CACNA2D3: variants seen among roughly 807,000 people sequenced by gnomAD.
CACNA2D3 encodes voltage-dependent calcium channel subunit alpha-2/delta-3.
In CACNA2D3, 60 loss-of-function variants were observed where a neutral mutation model predicts 160.6. The observed-to-expected ratio is 0.37, with a 90% CI of 0.30 to 0.46. The LOEUF (loss-of-function observed/expected upper bound fraction) is 0.46, where lower values mean the gene tolerates loss of function less well. Among genes scored for constraint, CACNA2D3 ranks in the 20% least tolerant of loss-of-function variants. CACNA2D3 has a pLI of 1.00. For missense variants in CACNA2D3, 1,205 were observed against 1,365.0 expected, an observed-to-expected ratio of 0.88 and a Z score of 1.85; for synonymous variants, 558 against 492.9, an observed-to-expected ratio of 1.13 and a Z score of -1.75.
At chr3:54,529,907 A>G (rs1701781404) in intron 5 of CACNA2D3, among the ~76,000 whole-genome samples, 2 of 152,154 alleles carry the variant, frequency 1.3e-5, no homozygotes, top group Admixed American at 6.5e-5. Flanking sequence ...TATTTAGGGT[A>G]GAGGTGGGCA....
At chr3:54,928,927 C>T (rs902145042) in intron 27 of CACNA2D3, among the ~76,000 whole-genome samples, 8 of 152,148 alleles carry the variant, frequency 5.3e-5, no homozygotes, top group Non-Finnish European at 1.0e-4. Context: ...GGACTGGAAC[C>T]GTTTCTTTGA....
At chr3:54,758,496 GT>G (rs1702018092) in intron 12 of CACNA2D3, among the ~76,000 whole-genome samples, 2 of 152,046 alleles carry the variant, frequency 1.3e-5, no homozygotes, top group African/African-American at 4.8e-5. Context: ...CCTCTTGCTT[GT>G]TTTTTGTGAA....
chr3:54,776,104 C>G (rs1368726808), intron 13 of CACNA2D3, among the ~76,000 whole-genome samples: 2 of 152,210 alleles, frequency 1.3e-5, no homozygotes, highest in Non-Finnish European at 2.9e-5. Flanking sequence ...ATATACACAA[C>G]TCACTCTAGC....
chr3:54,514,161 T>C (rs2106969087), intron 5 of CACNA2D3, among the ~76,000 whole-genome samples: 1 of 152,206 alleles, frequency 6.6e-6, no homozygotes, highest in Admixed American at 6.5e-5. Flanking sequence ...GTTTTAAAAA[T>C]GGGAGGCAAA....
chr3:54,367,169 C>G (rs1698840601), intron 3 of CACNA2D3, among the ~76,000 whole-genome samples: 1 of 151,878 alleles, frequency 6.6e-6, no homozygotes, highest in Non-Finnish European at 1.5e-5. Flanking sequence ...CTCCCAACAG[C>G]TGTCCAATCA....
chr3:55,074,313 TC>T lies in CACNA2D3; in HGVS notation c.*109del, dbSNP rs1704899404. 5 of 856,106 alleles carry T rather than the reference TC, an allele frequency of 5.8e-6. No homozygotes were observed. Among genetic ancestry groups the T allele is most frequent in the Middle Eastern group, 4.5e-4 (2 of 4,490 alleles). The allele number at this position is 856,106 out of a possible 1,614,324, so 53.0% of individuals were successfully genotyped here. ...TGCAACATACGAGACATGAATATAGTCCAACCATCAGCATCTCATCATGATT... is the reference window on the plus strand; with the variant it reads ...TGCAACATACGAGACATGAATATAGTCAACCATCAGCATCTCATCATGATT... On this transcript the variant is annotated 3_prime_UTR_variant, in exon 38 of 38. Transcript: ENST00000474759.
At chr3:54,966,120 A>G (rs1254641820) in intron 27 of CACNA2D3, among the ~76,000 whole-genome samples, 1 of 152,104 alleles carries the variant, frequency 6.6e-6, no homozygotes, top group Non-Finnish European at 1.5e-5. Context: ...TGAGGGCTCC[A>G]TCAGAGAACG....
At chr3:54,379,327 A>C (rs1281086374) in intron 3 of CACNA2D3, among the ~76,000 whole-genome samples, 1 of 152,260 alleles carries the variant, frequency 6.6e-6, no homozygotes, top group Non-Finnish European at 1.5e-5. Context: ...CAAAGAAATA[A>C]TGAAGGCTCC....
At chr3:54,558,628 A>T (rs1003873330) in intron 5 of CACNA2D3, among the ~76,000 whole-genome samples, 1 of 151,940 alleles carries the variant, frequency 6.6e-6, no homozygotes, top group East Asian at 1.9e-4. Flanking sequence ...GTCCGTGTGT[A>T]CTCAGTGTTT....
At chr3:54,464,799 C>G (rs1046968181) in intron 4 of CACNA2D3, among the ~76,000 whole-genome samples, 2 of 152,250 alleles carry the variant, frequency 1.3e-5, no homozygotes, top group Non-Finnish European at 2.9e-5. Context: ...CGCCCACTGT[C>G]TGGCACTCCC....
chr3:54,342,840 A>G (rs969300345), intron 3 of CACNA2D3, among the ~76,000 whole-genome samples: 1 of 152,214 alleles, frequency 6.6e-6, no homozygotes, highest in African/African-American at 2.4e-5. Flanking sequence ...GGCTGTAGCC[A>G]CCCAGCCATA....
At chr3:54,851,295 A>G (rs1255349858) in intron 17 of CACNA2D3, among the ~76,000 whole-genome samples, 1 of 152,216 alleles carries the variant, frequency 6.6e-6, no homozygotes, top group Non-Finnish European at 1.5e-5. Flanking sequence ...TCCAGGTGGA[A>G]GATACATCTA....
Position 54,123,498 on chromosome 3 carries a change from C to T in CACNA2D3, c.123-15C>T. The T allele has an allele frequency of 6.2e-7, 1 of 1,604,186 alleles. No homozygotes were observed. The highest frequency in any genetic ancestry group is 8.5e-7 in the Non-Finnish European group (1 of 1,170,972). On this transcript the variant is annotated splice_polypyrimidine_tract_variant and intron_variant, in intron 1 of 37. Coordinates refer to ENST00000474759, the MANE Select transcript of CACNA2D3 (RefSeq NM_018398.3). The stretch of plus-strand genomic sequence containing the variant: ...ACGGGTGTTACATATCTTCCTGTGC[C>T]CCTTCTCCCTGTAGGGTGAAGCTCT...
At chr3:54,435,110 C>T (rs940386136) in intron 4 of CACNA2D3, among the ~76,000 whole-genome samples, 43 of 152,158 alleles carry the variant, frequency 2.8e-4, no homozygotes, top group African/African-American at 1.0e-3. Flanking sequence ...ACTCAGTCTC[C>T]CCAGCCCCAG....
intron 2 of CACNA2D3, among the ~76,000 whole-genome samples, chr3:54,224,409 G>C (rs894745746): frequency 6.6e-6 from 1 of 152,006 alleles, no homozygotes; most frequent in Non-Finnish European, 1.5e-5. Flanking sequence ...GTAACTATAT[G>C]TGCTATACTT....
Position 54,400,945 on chromosome 3 carries a change from T to A in CACNA2D3, c.381+14171T>A, listed in dbSNP as rs116092288. Among the ~76,000 whole-genome samples the A allele has an allele frequency of 5.2e-3, 797 of 152,176 alleles. 7 individuals carry two copies. Among genetic ancestry groups the A allele is most frequent in the African/African-American group, 0.018 (736 of 41,514 alleles). ...TCTAAAAAGGAATTCAGAATAATGATTGTGAGGAAACTCTGTGAGATTTGA... is the reference window on the plus strand; with the variant it reads ...TCTAAAAAGGAATTCAGAATAATGAATGTGAGGAAACTCTGTGAGATTTGA... On this transcript the variant is annotated intron_variant, in intron 4 of 37. Coordinates refer to ENST00000474759, the MANE Select transcript of CACNA2D3 (RefSeq NM_018398.3).
chr3:54,122,968 C>G, intron 1 of CACNA2D3, 133 bp downstream of exon 1: 1 of 838,586 alleles, frequency 1.2e-6, no homozygotes, highest in Non-Finnish European at 1.6e-6. Flanking sequence ...TCGCACCTGC[C>G]TTTCGGGACC....
At chr3:54,464,384 CT>C (rs1245478169) in intron 4 of CACNA2D3, among the ~76,000 whole-genome samples, 1 of 152,176 alleles carries the variant, frequency 6.6e-6, no homozygotes, top group African/African-American at 2.4e-5. Flanking sequence ...GAGGTGGAGC[CT>C]ACAGAGGCAG....
chr3:55,012,991 T>A (rs1289100023), intron 34 of CACNA2D3, among the ~76,000 whole-genome samples: 1 of 152,200 alleles, frequency 6.6e-6, no homozygotes, highest in Non-Finnish European at 1.5e-5. Context: ...CTCTATTTTC[T>A]GTCTTAAGGA....
Sources: allele counts gnomAD v4.1 joint callset (sites outside exome capture counted in the v4.1 genomes callset), GRCh38; gene constraint gnomAD v4.1.1; transcripts MANE v1.5; gene names NCBI Gene and HGNC (gene_info 2026-07-23, HGNC 2026-07-21).